NKAIN3: variants seen among roughly 807,000 people sequenced by gnomAD.
NKAIN3 encodes sodium/potassium transporting ATPase interacting 3, also known as sodium/potassium-transporting ATPase subunit beta-1-interacting protein 3.
NKAIN3 carries 25 observed loss-of-function variants against 30.2 expected under a neutral mutation model. The ratio of observed to expected loss-of-function variants is 0.83; its 90% confidence interval spans 0.60 to 1.16. NKAIN3 has a LOEUF of 1.16. Ranked by LOEUF, NKAIN3 falls within the 50% of genes most tolerant of loss-of-function variation. NKAIN3 has a pLI of 0.00. For synonymous variants in NKAIN3, 91 were observed against 89.6 expected, an observed-to-expected ratio of 1.02 and a Z score of -0.09; for missense variants, 225 against 254.1, an observed-to-expected ratio of 0.89 and a Z score of 0.78.
intron 4 of NKAIN3, among the ~76,000 whole-genome samples, chr8:62,779,007 G>A (rs556298217): frequency 2.0e-4 from 30 of 152,138 alleles, no homozygotes; most frequent in African/African-American, 6.7e-4. Flanking sequence ...ATGTCATGTG[G>A]GAGCTAGGGC....
At chr8:62,407,285 G>GTA (rs1804101500) in intron 1 of NKAIN3, among the ~76,000 whole-genome samples, 1 of 150,696 alleles carries the variant, frequency 6.6e-6, no homozygotes, top group African/African-American at 2.4e-5. Context: ...ATGTATATGT[G>GTA]TGTATATATA....
At chr8:62,863,428 TTGGTCTTACTG>T in intron 4 of NKAIN3, 1 of 1,553,264 alleles carries the variant, frequency 6.4e-7, no homozygotes, top group Non-Finnish European at 8.7e-7. Flanking sequence ...ATGAGTAATC[TTGGTCTTACTG>T]TGTAGATATT....
intron 3 of NKAIN3, among the ~76,000 whole-genome samples, chr8:62,656,448 A>T (rs1031846268): frequency 2.0e-5 from 3 of 151,936 alleles, no homozygotes; most frequent in African/African-American, 7.2e-5. Flanking sequence ...ATAAAAAAAT[A>T]AATAAATAAA....
At chr8:62,909,828 T>C (rs184078418) in intron 4 of NKAIN3, among the ~76,000 whole-genome samples, 15 of 152,322 alleles carry the variant, frequency 9.8e-5, no homozygotes. Context: ...GTTTGAGGAC[T>C]TGAAGAATGA....
chr8:62,967,899 T>C lies in NKAIN3; in HGVS notation c.*2492T>C, dbSNP rs1397311954. Among the ~76,000 whole-genome samples the C allele has an allele frequency of 6.6e-6, 1 of 152,232 alleles. No individual in the cohort carries two copies. The highest frequency in any genetic ancestry group is 2.4e-5 in the African/African-American group (1 of 41,464). On this transcript the variant is annotated 3_prime_UTR_variant, in exon 7 of 7. Transcript: ENST00000623646. Reference sequence around the variant, plus strand: ...ATTTGTACATAGTTCTAGTAGGCACTGCAGAGTCTGAACTTAGTCTAAGTG... The same window carrying C: ...ATTTGTACATAGTTCTAGTAGGCACCGCAGAGTCTGAACTTAGTCTAAGTG...
intron 1 of NKAIN3, among the ~76,000 whole-genome samples, chr8:62,367,204 A>G (rs1015690842): frequency 1.3e-5 from 2 of 152,200 alleles, no homozygotes; most frequent in Non-Finnish European, 2.9e-5. Context: ...ATCTGTTAGC[A>G]TTACCATAAT....
intron 2 of NKAIN3, among the ~76,000 whole-genome samples, chr8:62,583,522 TA>T (rs751454315): frequency 9.2e-5 from 14 of 152,186 alleles, no homozygotes; most frequent in Non-Finnish European, 1.9e-4. Context: ...TTCATTCTCA[TA>T]AATATCCTAC....
intron 5 of NKAIN3, among the ~76,000 whole-genome samples, chr8:62,929,500 G>T (rs1002405134): frequency 6.6e-6 from 1 of 152,074 alleles, no homozygotes; most frequent in African/African-American, 2.4e-5. Flanking sequence ...TTAGTTACTA[G>T]TCCTAAAGTC....
chr8:62,805,741 G>A (rs1416375403), intron 4 of NKAIN3, among the ~76,000 whole-genome samples: 1 of 152,088 alleles, frequency 6.6e-6, no homozygotes, highest in Non-Finnish European at 1.5e-5. Flanking sequence ...CATAGGCCTG[G>A]GCAAGGACTT....
chr8:62,563,569 T>G (rs1334185024), intron 1 of NKAIN3, among the ~76,000 whole-genome samples: 1 of 152,172 alleles, frequency 6.6e-6, no homozygotes, highest in Non-Finnish European at 1.5e-5. Context: ...TTTTTAAATA[T>G]GTACCACCAA....
chr8:62,666,456 T>C (rs1033719951), intron 3 of NKAIN3, among the ~76,000 whole-genome samples: 1 of 152,132 alleles, frequency 6.6e-6, no homozygotes, highest in Admixed American at 6.6e-5. Context: ...AAAAAAAGTA[T>C]GAAAAAGCAT....
intron 1 of NKAIN3, among the ~76,000 whole-genome samples, chr8:62,577,739 T>C (rs1366757465): frequency 2.0e-5 from 3 of 151,718 alleles, no homozygotes; most frequent in African/African-American, 4.8e-5. Context: ...CTTATCTTGC[T>C]CTGATATTTT....
At chr8:62,806,169 G>A (rs1441593649) in intron 4 of NKAIN3, among the ~76,000 whole-genome samples, 5 of 152,238 alleles carry the variant, frequency 3.3e-5, no homozygotes, top group Non-Finnish European at 5.9e-5. Flanking sequence ...TGCTGGAGAA[G>A]ATGTGGAGAA....
intron 1 of NKAIN3, among the ~76,000 whole-genome samples, chr8:62,577,462 TG>T: frequency 8.1e-6 from 1 of 123,094 alleles, no homozygotes; most frequent in African/African-American, 2.8e-5. Context: ...GGTGTTTTTT[TG>T]TTGTTTTTTT....
intron 3 of NKAIN3, among the ~76,000 whole-genome samples, chr8:62,677,948 C>T (rs548511163): frequency 1.4e-4 from 21 of 152,108 alleles, no homozygotes; most frequent in Non-Finnish European, 2.5e-4. Context: ...TTATTTGACT[C>T]GATTGCTAGT....
chr8:62,867,650 G>A (rs990764055), intron 4 of NKAIN3, among the ~76,000 whole-genome samples: 1 of 152,214 alleles, frequency 6.6e-6, no homozygotes, highest in Non-Finnish European at 1.5e-5. Context: ...CAGAGGATGG[G>A]AATAGTGAGG....
chr8:62,395,550 C>G (rs1817729291), intron 1 of NKAIN3, among the ~76,000 whole-genome samples: 1 of 152,184 alleles, frequency 6.6e-6, no homozygotes, highest in Admixed American at 6.5e-5. Context: ...TTCTTTATAG[C>G]TAAATATCTA....
intron 1 of NKAIN3, among the ~76,000 whole-genome samples, chr8:62,304,949 A>G (rs1814177633): frequency 6.6e-6 from 1 of 150,522 alleles, no homozygotes; most frequent in Admixed American, 6.6e-5. Context: ...CAAAAATGTA[A>G]TGAAATCTCA....
Position 62,968,501 on chromosome 8 carries a change from G to T in NKAIN3, c.*3094G>T, listed in dbSNP as rs1212735073. On this transcript the variant is annotated 3_prime_UTR_variant, in exon 7 of 7. Coordinates refer to ENST00000623646, the MANE Select transcript of NKAIN3 (RefSeq NM_001304533.3). Reference sequence around the variant, plus strand: ...CTGGTCAGAGTAAGGGAAAATGAATGCATCCCTTAGCTTGCATTCATTGGT... The same window carrying T: ...CTGGTCAGAGTAAGGGAAAATGAATTCATCCCTTAGCTTGCATTCATTGGT... Among the ~76,000 whole-genome samples the T allele has an allele frequency of 6.6e-6, 1 of 152,162 alleles. No individual in the cohort carries two copies. The highest frequency in any genetic ancestry group is 1.5e-5 in the Non-Finnish European group (1 of 68,036).
Sources: allele counts gnomAD v4.1 joint callset (sites outside exome capture counted in the v4.1 genomes callset), GRCh38; gene constraint gnomAD v4.1.1; transcripts MANE v1.5; gene names NCBI Gene and HGNC (gene_info 2026-07-23, HGNC 2026-07-21).